AATF: variants seen among roughly 807,000 people sequenced by gnomAD.
AATF encodes apoptosis antagonizing transcription factor.
AATF carries 48 observed loss-of-function variants against 63.7 expected under a neutral mutation model. The ratio of observed to expected loss-of-function variants is 0.75; its 90% CI spans 0.60 to 0.96. AATF has a LOEUF of 0.96. Among genes scored for constraint, AATF ranks in the 40% least tolerant of loss-of-function variants. The pLI, the probability that AATF is intolerant of heterozygous loss-of-function variation, is 0.00. For synonymous variants in AATF, 258 were observed against 247.7 expected, an observed-to-expected ratio of 1.04 and a Z score of -0.39; for missense variants, 639 against 685.7, an observed-to-expected ratio of 0.93 and a Z score of 0.76.
At chr17:37,029,507 T>A (rs1321379098) in intron 10 of AATF, among the ~76,000 whole-genome samples, 2 of 151,456 alleles carry the variant, frequency 1.3e-5, no homozygotes, top group Non-Finnish European at 2.9e-5. Context: ...CTCAGGCTTC[T>A]AAAGTGTTGG....
chr17:37,033,192 A>G (rs1377332688), intron 11 of AATF, among the ~76,000 whole-genome samples: 4 of 152,204 alleles, frequency 2.6e-5, no homozygotes, highest in African/African-American at 9.6e-5. Context: ...CACATCTGCT[A>G]TCCTGTGCTT....
At chr17:37,048,363 CTTT>C (rs60374815) in intron 11 of AATF, among the ~76,000 whole-genome samples, 17 of 70,826 alleles carry the variant, frequency 2.4e-4, no homozygotes, top group African/African-American at 8.0e-4. Flanking sequence ...TTTTTCTTTT[CTTT>C]TTTTTTTTTT....
chr17:37,007,170 T>C (rs915971963), intron 8 of AATF, among the ~76,000 whole-genome samples: 1 of 152,142 alleles, frequency 6.6e-6, no homozygotes, highest in Non-Finnish European at 1.5e-5. Flanking sequence ...GAAGACTGCT[T>C]GCTACTTGAC....
At chr17:36,955,587 C>A (rs2070893121) in intron 4 of AATF, among the ~76,000 whole-genome samples, 1 of 152,136 alleles carries the variant, frequency 6.6e-6, no homozygotes, top group Non-Finnish European at 1.5e-5. Flanking sequence ...GGAATGAGAC[C>A]TAGACTGCTC....
chr17:37,018,983 G>T (rs753059353), intron 8 of AATF, 22 bp from the exon 9 acceptor site: 49 of 1,607,444 alleles, frequency 3.0e-5, no homozygotes, highest in Non-Finnish European at 8.5e-6. Flanking sequence ...AAATAAATTC[G>T]TTGCTTTCCT....
Position 37,031,648 on chromosome 17 carries a change from G to A in AATF, c.1582G>A (p.Ala528Thr), listed in dbSNP as rs772637684. 1 of 1,614,138 alleles carries A rather than the reference G, an allele frequency of 6.2e-7. No homozygotes were observed. Among genetic ancestry groups the A allele is most frequent in the Admixed American group, 1.7e-5 (1 of 60,024 alleles). The change falls in exon 11 of 12, where the codon GCA (alanine) becomes ACA (threonine). Residue 528 changes from alanine (A) to threonine (T), a missense_variant. Coordinates refer to ENST00000619387, the MANE Select transcript of AATF (RefSeq NM_012138.4). ...HVLSKLLSFM[A>T]PIDHTTMNDD... ...CCTTAGCAAGCTACTGAGTTTCATG[G>A]CACCTATTGACCATACTACAATGAA...
rs2071485647 is a variant in AATF, at chr17:37,023,137, CTCTG to C, written c.1547+2128_1547+2131del. On this transcript the variant is annotated intron_variant, in intron 10 of 11. Coordinates refer to ENST00000619387, the MANE Select transcript of AATF (RefSeq NM_012138.4). ...CACAAGACTTGCGTTCAAACCCTGA[CTCTG>C]TCTGGTGATATGATTTTGGTTGTTC... is the stretch of plus-strand genomic sequence containing the variant. Among the ~76,000 whole-genome samples the C allele has an allele frequency of 3.3e-5, 5 of 152,160 alleles. No homozygotes were observed. In the South Asian group the frequency reaches 1.0e-3, roughly 32 times the overall value.
chr17:36,978,536 TA>T (rs892307539), intron 4 of AATF, among the ~76,000 whole-genome samples: 10 of 149,600 alleles, frequency 6.7e-5, no homozygotes, highest in African/African-American at 2.0e-4. Flanking sequence ...TTTTGTACCA[TA>T]AAAAAAAAAT....
At chr17:36,953,440 G>C in intron 3 of AATF, 144 bp downstream of exon 3, 1 of 1,405,184 alleles carries the variant, frequency 7.1e-7, no homozygotes, top group Non-Finnish European at 9.4e-7. Context: ...GAAGCCTAAA[G>C]CCCTATTCCT....
At chr17:37,006,437 C>A (rs1232780071) in intron 8 of AATF, among the ~76,000 whole-genome samples, 2 of 152,082 alleles carry the variant, frequency 1.3e-5, no homozygotes, top group African/African-American at 2.4e-5. Flanking sequence ...CCATTGCACT[C>A]CAGCCTGGGC....
chr17:37,004,250 G>T, intron 8 of AATF, among the ~76,000 whole-genome samples: 1 of 152,168 alleles, frequency 6.6e-6, no homozygotes, highest in South Asian at 2.1e-4. Context: ...AGAATTGCTT[G>T]AATTCAGGAG....
intron 8 of AATF, among the ~76,000 whole-genome samples, chr17:37,004,334 A>AAG (rs201508524): frequency 6.6e-6 from 1 of 152,166 alleles, no homozygotes; most frequent in African/African-American, 2.4e-5. Flanking sequence ...TCTGAAAAAA[A>AAG]AGAGAGAGAG....
chr17:36,955,614 A>C (rs2070893325), intron 4 of AATF, among the ~76,000 whole-genome samples: 1 of 152,114 alleles, frequency 6.6e-6, no homozygotes, highest in Non-Finnish European at 1.5e-5. Flanking sequence ...AAATGTTTTA[A>C]ATGTTTCACG....
At chr17:37,011,486 T>C (rs1431116864) in intron 8 of AATF, among the ~76,000 whole-genome samples, 1 of 151,950 alleles carries the variant, frequency 6.6e-6, no homozygotes, top group African/African-American at 2.4e-5. Context: ...CTTGAGATAG[T>C]TGAGATATTG....
intron 10 of AATF, among the ~76,000 whole-genome samples, chr17:37,030,185 A>G: frequency 6.6e-6 from 1 of 152,120 alleles, no homozygotes; most frequent in East Asian, 1.9e-4. Context: ...TGCTGAGATT[A>G]CAGGCATGAG....
intron 4 of AATF, among the ~76,000 whole-genome samples, chr17:36,978,033 A>G (rs2071091916): frequency 6.6e-6 from 1 of 152,292 alleles, no homozygotes; most frequent in Non-Finnish European, 1.5e-5. Flanking sequence ...TTATAAATTC[A>G]TGCCTGGTCA....
intron 8 of AATF, among the ~76,000 whole-genome samples, chr17:36,994,013 A>ATATGTGTGTGTACATACATACATATG (rs1485920844): frequency 6.6e-5 from 10 of 152,206 alleles, no homozygotes; most frequent in South Asian, 2.1e-4. Flanking sequence ...ATATGTATGT[A>ATATGTGTGTGTACATACATACATATG]TATGTGTGTG....
In AATF at chr17:36,952,977, T is replaced by A. The variant is rs1476748793; in HGVS notation, c.375T>A (p.Ala125=). The A allele has an allele frequency of 6.2e-7, 1 of 1,614,082 alleles. No individual in the cohort carries two copies. The highest frequency in any genetic ancestry group is 2.2e-5 in the East Asian group (1 of 44,890). ...EEYDEDDLGA[A]EEQECGDHRE... is the part of the protein sequence containing the mutation. ...ATGATGAGGACGACCTGGGTGCTGC[T>A]GAGGAACAGGAGTGTGGTGATCACA... Residue 125 remains alanine, a synonymous_variant, in exon 3 of 12, where the codon GCT becomes GCA. Transcript: ENST00000619387.
rs770259796 is a variant in AATF at position 36,989,338 on chromosome 17, G to A, written c.1241G>A (p.Arg414His). ...ERLLRRTQTK[R>H]SVYRVLGKPE... ...TTACTTCGAAGGACACAGACCAAGC[G>A]CTCTGTCTATCGAGTTCTTGGCAAA... The change falls in exon 7 of 12, where the codon CGC becomes CAC. Residue 414 changes from arginine (R) to histidine (H), a missense_variant. Coordinates refer to ENST00000619387, the MANE Select transcript of AATF (RefSeq NM_012138.4). The A allele has an allele frequency of 3.7e-6, 6 of 1,613,956 alleles. No homozygotes were observed. In the Admixed American group the frequency reaches 6.7e-5, roughly 18 times the overall value.
Sources: gnomAD v4.1 joint callset for allele counts (sites outside exome capture counted in the v4.1 genomes callset) on GRCh38, gnomAD v4.1.1 for gene constraint, MANE v1.5 for transcripts, NCBI Gene and HGNC (gene_info 2026-07-23, HGNC 2026-07-21) for gene names.